TTLL1: variants seen among roughly 807,000 people sequenced by gnomAD.
TTLL1 encodes the protein TTL family tubulin polyglutamylase complex subunit L1.
A neutral mutation model predicts 47.8 loss-of-function variants in TTLL1; 33 were observed. That is an observed-to-expected ratio of 0.69 (90% CI 0.52 to 0.92). The LOEUF (loss-of-function observed/expected upper bound fraction) is 0.92. Ranked by LOEUF, TTLL1 falls within the 40% of genes least tolerant of loss-of-function variation. The pLI is 0.00. For synonymous variants in TTLL1, 225 were observed against 214.1 expected, an observed-to-expected ratio of 1.05 and a Z score of -0.45; for missense variants, 488 against 547.5, an observed-to-expected ratio of 0.89 and a Z score of 1.08.
chr22:43,042,637 T>C (rs1925778081), intron 10 of TTLL1, among the ~76,000 whole-genome samples: 3 of 152,112 alleles, frequency 2.0e-5, no homozygotes. Context: ...GGAGTTGCTG[T>C]GGGCACGCAG....
intron 5 of TTLL1, among the ~76,000 whole-genome samples, chr22:43,067,062 T>C (rs893637104): frequency 1.3e-5 from 2 of 151,276 alleles, no homozygotes; most frequent in Admixed American, 6.6e-5. Flanking sequence ...TCCTGACAAG[T>C]GAGTCATCTC....
intron 10 of TTLL1, 26 bp from the exon 11 acceptor site, chr22:43,039,931 C>G: frequency 6.2e-7 from 1 of 1,607,796 alleles, no homozygotes; most frequent in Non-Finnish European, 8.5e-7. Context: ...GCCAGGATCA[C>G]GGCAGGCTCT....
chr22:43,073,825 A>ATTTTTTTT (rs201227645), intron 3 of TTLL1, among the ~76,000 whole-genome samples: 1 of 143,308 alleles, frequency 7.0e-6, no homozygotes, highest in African/African-American at 2.6e-5. Context: ...TTATTTATTT[A>ATTTTTTTT]TTTATTTATT....
chr22:43,047,018 G>C (rs181689912), intron 9 of TTLL1, among the ~76,000 whole-genome samples: 1 of 152,230 alleles, frequency 6.6e-6, no homozygotes, highest in Admixed American at 6.6e-5. Flanking sequence ...GAGCACCTTG[G>C]ATAGGAAACT....
intron 10 of TTLL1, among the ~76,000 whole-genome samples, chr22:43,043,581 C>T (rs1925870567): frequency 6.6e-6 from 1 of 152,144 alleles, no homozygotes; most frequent in Non-Finnish European, 1.5e-5. Flanking sequence ...CAGACTCACC[C>T]TCTGTGGGCT....
chr22:43,041,098 A>G (rs892961361), intron 10 of TTLL1: 2 of 152,212 alleles, frequency 1.3e-5, no homozygotes, highest in Admixed American at 1.3e-4. Context: ...ATGGGGGGAA[A>G]CTGGGGTTCT....
intron 8 of TTLL1, among the ~76,000 whole-genome samples, chr22:43,055,692 T>TG (rs1395654494): frequency 6.6e-6 from 1 of 152,030 alleles, no homozygotes; most frequent in Non-Finnish European, 1.5e-5. Context: ...CAGGCTGGTC[T>TG]TGAACTCCTG....
At chr22:43,088,438 G>A (rs1332738288) in intron 1 of TTLL1, among the ~76,000 whole-genome samples, 3 of 137,722 alleles carry the variant, frequency 2.2e-5, no homozygotes, top group Non-Finnish European at 4.6e-5. Context: ...CCGGGTTCAC[G>A]CCATTCTCCT....
intron 5 of TTLL1, among the ~76,000 whole-genome samples, chr22:43,064,596 T>C (rs1258839543): frequency 6.6e-6 from 1 of 151,816 alleles, no homozygotes; most frequent in African/African-American, 2.4e-5. Flanking sequence ...TGTGGTGGTG[T>C]GTGCCTGTAG....
At position 43,069,482 on chromosome 22, in the gene TTLL1, A is replaced by C. The variant is rs535940072; in HGVS notation, c.322+154T>G. 412 of 1,381,444 alleles carry C rather than the reference A, an allele frequency of 3.0e-4. 2 individuals are homozygous for C. The South Asian group carries it at 3.5e-3, about 12-fold the overall frequency. The allele number at this position is 1,381,444 out of a possible 1,614,324, so 85.6% of individuals were successfully genotyped here. ...ACACTCAGGCCCCTCCTTCTCCCTC[A>C]TTCTGGAGACACCTGAAATGAAACA... is the stretch of plus-strand genomic sequence containing the variant. On this transcript the variant is annotated intron_variant, in intron 4 of 10. Transcript: ENST00000266254.
intron 1 of TTLL1, among the ~76,000 whole-genome samples, chr22:43,088,467 G>C (rs1929393923): frequency 6.7e-6 from 1 of 150,268 alleles, no homozygotes; most frequent in African/African-American, 2.4e-5. Context: ...CTCCCGAGTA[G>C]CTGGGACTAC....
chr22:43,056,472 T>A (rs943420512), intron 8 of TTLL1, among the ~76,000 whole-genome samples: 5 of 148,040 alleles, frequency 3.4e-5, no homozygotes, highest in African/African-American at 1.2e-4. Flanking sequence ...CTTTTTTTTT[T>A]TTTTTTTTTT....
intron 1 of TTLL1, among the ~76,000 whole-genome samples, chr22:43,080,647 C>A (rs1336699512): frequency 6.6e-6 from 1 of 152,100 alleles, no homozygotes; most frequent in Non-Finnish European, 1.5e-5. Context: ...CCTGGAACGG[C>A]CCCTCTGCAC....
intron 8 of TTLL1, among the ~76,000 whole-genome samples, chr22:43,058,173 T>C (rs1313067692): frequency 6.6e-6 from 1 of 152,002 alleles, no homozygotes; most frequent in African/African-American, 2.4e-5. Flanking sequence ...CTCGATCTCC[T>C]GACCTCGTGA....
chr22:43,067,632 G>C (rs368783202), intron 5 of TTLL1, among the ~76,000 whole-genome samples: 1 of 152,054 alleles, frequency 6.6e-6, no homozygotes, highest in African/African-American at 2.4e-5. Context: ...GACAGATGAC[G>C]CACGCCTGTA....
At chr22:43,067,477 C>T (rs1311422980) in intron 5 of TTLL1, among the ~76,000 whole-genome samples, 1 of 152,236 alleles carries the variant, frequency 6.6e-6, no homozygotes, top group Non-Finnish European at 1.5e-5. Flanking sequence ...ACCACCACGA[C>T]TGAGCGGTTC....
chr22:43,078,728 TG>T (rs1392207105), intron 2 of TTLL1, among the ~76,000 whole-genome samples: 22 of 151,972 alleles, frequency 1.4e-4, no homozygotes, highest in African/African-American at 4.6e-4. Flanking sequence ...AGCTACAAGG[TG>T]CTGTATAAAG....
rs770263641 is a variant in TTLL1 at position 43,046,476 on chromosome 22, C to T, written c.1076G>A (p.Gly359Asp). Residue 359 changes from glycine (G) to aspartate (D), a missense_variant, in exon 10 of 11, where the codon GGT becomes GAT. Gly to Asp is a moderately conservative substitution (Grantham distance 94, BLOSUM62 -1). Coordinates refer to ENST00000266254, the MANE Select transcript of TTLL1 (RefSeq NM_012263.5). ...NDTLNIAVPN[G>D]EIPDCKWNKS... ...GTTCCATTTGCAGTCTGGGATTTCA[C>T]CATTCGGGACGGCGATGTTGAGGGT... The T allele has an allele frequency of 6.2e-7, 1 of 1,614,098 alleles. No individual in the cohort carries two copies. The highest frequency in any genetic ancestry group is 8.5e-7 in the Non-Finnish European group (1 of 1,180,040).
intron 1 of TTLL1, among the ~76,000 whole-genome samples, chr22:43,087,801 GCA>G (rs1003481947): frequency 8.8e-5 from 11 of 125,588 alleles, no homozygotes; most frequent in Non-Finnish European, 1.7e-4. Flanking sequence ...TCGCACCACT[GCA>G]CACTCCAGCC....
Sources: gnomAD v4.1 joint callset for allele counts (sites outside exome capture counted in the v4.1 genomes callset) on GRCh38, gnomAD v4.1.1 for gene constraint, MANE v1.5 for transcripts, NCBI Gene and HGNC (gene_info 2026-07-23, HGNC 2026-07-21) for gene names.